The following NKAIN3 variants were observed in gnomAD, a reference collection of about 807,000 sequenced individuals.
The protein encoded by NKAIN3 is sodium/potassium transporting ATPase interacting 3.
NKAIN3 carries 25 observed loss-of-function variants against 30.2 expected under a neutral mutation model. That is an observed-to-expected ratio of 0.83 (90% CI 0.60 to 1.16). The LOEUF (loss-of-function observed/expected upper bound fraction) is 1.16. Among genes scored for constraint, NKAIN3 ranks in the 50% most tolerant of loss-of-function variants. The pLI, the probability that NKAIN3 is intolerant of heterozygous loss-of-function variation, is 0.00. For synonymous variants in NKAIN3, 91 were observed against 89.6 expected, an observed-to-expected ratio of 1.02 and a Z score of -0.09; for missense variants, 225 against 254.1, an observed-to-expected ratio of 0.89 and a Z score of 0.78.
At chr8:62,378,598 G>T (rs1013928098) in intron 1 of NKAIN3, among the ~76,000 whole-genome samples, 3 of 152,196 alleles carry the variant, frequency 2.0e-5, no homozygotes, top group African/African-American at 7.2e-5. Flanking sequence ...AGTCTAAAAG[G>T]GGCCAAGGTA....
At chr8:62,762,941 AG>A (rs1816713587) in intron 4 of NKAIN3, among the ~76,000 whole-genome samples, 1 of 152,032 alleles carries the variant, frequency 6.6e-6, no homozygotes, top group Non-Finnish European at 1.5e-5. Flanking sequence ...CAACTTATAT[AG>A]GCTGGGCACA....
At chr8:62,683,013 G>A (rs879777240) in intron 3 of NKAIN3, among the ~76,000 whole-genome samples, 2 of 148,942 alleles carry the variant, frequency 1.3e-5, no homozygotes, top group African/African-American at 2.5e-5. Flanking sequence ...GTCAGGTTTT[G>A]TTTGTTTGTT....
chr8:62,394,936 G>C (rs79107467), intron 1 of NKAIN3, among the ~76,000 whole-genome samples: 1 of 150,098 alleles, frequency 6.7e-6, no homozygotes, highest in Non-Finnish European at 1.5e-5. Flanking sequence ...TCACTTCTCA[G>C]ATGGTGGGGC....
intron 4 of NKAIN3, among the ~76,000 whole-genome samples, chr8:62,802,451 T>C (rs1462051572): frequency 1.3e-5 from 2 of 151,870 alleles, no homozygotes; most frequent in African/African-American, 4.8e-5. Flanking sequence ...CAGAAGAGAG[T>C]GGGGGCCAAT....
intron 4 of NKAIN3, among the ~76,000 whole-genome samples, chr8:62,888,789 T>C (rs1483062392): frequency 1.3e-5 from 2 of 152,208 alleles, no homozygotes; most frequent in African/African-American, 2.4e-5. Flanking sequence ...TTTGTATTAG[T>C]CCACTAGAAC....
chr8:62,655,442 AT>A (rs957835901), intron 3 of NKAIN3, among the ~76,000 whole-genome samples: 23 of 152,176 alleles, frequency 1.5e-4, no homozygotes, highest in African/African-American at 5.5e-4. Context: ...AAAGGAGGCC[AT>A]TTAGGAGGCT....
At chr8:62,738,907 C>A (rs1418211528) in intron 3 of NKAIN3, among the ~76,000 whole-genome samples, 2 of 152,068 alleles carry the variant, frequency 1.3e-5, no homozygotes, top group Non-Finnish European at 2.9e-5. Context: ...AAATGTGGCA[C>A]ATATACACCA....
chr8:62,879,420 C>T (rs943244053), intron 4 of NKAIN3, among the ~76,000 whole-genome samples: 2 of 152,020 alleles, frequency 1.3e-5, no homozygotes, highest in Non-Finnish European at 2.9e-5. Flanking sequence ...TAGCCCTTTT[C>T]CAGATGAGTA....
intron 1 of NKAIN3, among the ~76,000 whole-genome samples, chr8:62,288,834 T>C (rs1478662295): frequency 1.3e-5 from 2 of 152,232 alleles, no homozygotes; most frequent in Non-Finnish European, 2.9e-5. Context: ...TCCACAATGG[T>C]TGAACTAGTT....
At chr8:62,827,464 G>T (rs772059299) in intron 4 of NKAIN3, among the ~76,000 whole-genome samples, 2 of 152,180 alleles carry the variant, frequency 1.3e-5, no homozygotes, top group African/African-American at 2.4e-5. Flanking sequence ...CAAATATGTG[G>T]AGAGCAAATG....
intron 5 of NKAIN3, among the ~76,000 whole-genome samples, chr8:62,936,523 G>A (rs1279995974): frequency 1.3e-5 from 2 of 151,914 alleles, no homozygotes; most frequent in African/African-American, 4.8e-5. Flanking sequence ...GAAATTCCAG[G>A]ACACATAACT....
intron 3 of NKAIN3, among the ~76,000 whole-genome samples, chr8:62,600,338 G>C (rs1031774321): frequency 1.3e-4 from 20 of 151,996 alleles, no homozygotes; most frequent in African/African-American, 4.8e-4. Flanking sequence ...GCTTTGATCA[G>C]GGGCCTTCTA....
At chr8:62,906,364 A>G (rs1476212264) in intron 4 of NKAIN3, among the ~76,000 whole-genome samples, 2 of 152,216 alleles carry the variant, frequency 1.3e-5, no homozygotes, top group Non-Finnish European at 2.9e-5. Context: ...CAACTTAATG[A>G]CTTTCATTAG....
intron 5 of NKAIN3, among the ~76,000 whole-genome samples, chr8:62,945,778 G>A (rs940125354): frequency 6.6e-6 from 1 of 152,104 alleles, no homozygotes; most frequent in African/African-American, 2.4e-5. Context: ...ATGAGGATCC[G>A]AGACAGAGTT....
chr8:62,512,037 G>T (rs1807827551), intron 1 of NKAIN3, among the ~76,000 whole-genome samples: 1 of 152,070 alleles, frequency 6.6e-6, no homozygotes, highest in African/African-American at 2.4e-5. Flanking sequence ...TATCTTGTAT[G>T]ATACTTGGCA....
chr8:62,446,038 G>C (rs1251189871), intron 1 of NKAIN3, among the ~76,000 whole-genome samples: 1 of 152,168 alleles, frequency 6.6e-6, no homozygotes, highest in Non-Finnish European at 1.5e-5. Context: ...ATTGTAACTT[G>C]TTATAGACAC....
Position 62,297,483 on chromosome 8 carries a change from A to T in NKAIN3, c.54+48356A>T, listed in dbSNP as rs201708699. On this transcript the variant is annotated intron_variant, in intron 1 of 6. Transcript: ENST00000623646. ...ACTCAAACAAATTTACAAGAAAAAA[A>T]CAAACAACCCCATCAAAAAGTGGGC... 1.4e-3 allele frequency among the ~76,000 whole-genome samples: 204 copies of T among 150,314 alleles called. 4 individuals carry two copies. In the East Asian group the frequency reaches 0.034, roughly 25 times the overall value.
chr8:62,920,245 A>C (rs1822237815), intron 5 of NKAIN3, among the ~76,000 whole-genome samples: 1 of 152,218 alleles, frequency 6.6e-6, no homozygotes, highest in African/African-American at 2.4e-5. Flanking sequence ...GTAGATACCT[A>C]CTTTTGAGTA....
intron 4 of NKAIN3, among the ~76,000 whole-genome samples, chr8:62,871,257 G>C (rs1215417027): frequency 6.6e-6 from 1 of 151,734 alleles, no homozygotes; most frequent in Non-Finnish European, 1.5e-5. Flanking sequence ...AAAAAAATTA[G>C]CCAGACCTGG....
Sources: allele counts gnomAD v4.1 joint callset (sites outside exome capture counted in the v4.1 genomes callset), GRCh38; gene constraint gnomAD v4.1.1; transcripts MANE v1.5; gene names NCBI Gene and HGNC (gene_info 2026-07-23, HGNC 2026-07-21).